The following PLEKHG1 variants were observed in gnomAD, a reference collection of about 807,000 sequenced individuals.
PLEKHG1 encodes the protein pleckstrin homology domain-containing family G member 1.
A neutral mutation model predicts 100.8 loss-of-function variants in PLEKHG1; 44 were observed. The ratio of observed to expected loss-of-function variants is 0.44; its 90% CI spans 0.34 to 0.56. The LOEUF (loss-of-function observed/expected upper bound fraction) is 0.56, where lower values mean the gene tolerates loss of function less well. Among genes scored for constraint, PLEKHG1 ranks in the 20% least tolerant of loss-of-function variants. The probability of loss-of-function intolerance (pLI) is 0.01; values close to 1 mark genes in which losing one functional copy is unlikely to be tolerated. For synonymous variants in PLEKHG1, 640 were observed against 662.5 expected, an observed-to-expected ratio of 0.97 and a Z score of 0.52; for missense variants, 1,545 against 1,720.9, an observed-to-expected ratio of 0.90 and a Z score of 1.81.
At chr6:150,777,698 G>T (rs1785065660) in intron 3 of PLEKHG1, among the ~76,000 whole-genome samples, 1 of 147,846 alleles carries the variant, frequency 6.8e-6, no homozygotes, top group African/African-American at 2.5e-5. Context: ...TGCAGTCCTG[G>T]TGCACATGTG....
chr6:150,660,893 G>A (rs1213597405), intron 3 of PLEKHG1, among the ~76,000 whole-genome samples: 1 of 152,190 alleles, frequency 6.6e-6, no homozygotes, highest in Non-Finnish European at 1.5e-5. Context: ...AGAAAAAGGT[G>A]TTTGTGGAAA....
intron 4 of PLEKHG1, among the ~76,000 whole-genome samples, chr6:150,786,715 G>T (rs1446261953): frequency 6.6e-6 from 1 of 152,000 alleles, no homozygotes; most frequent in African/African-American, 2.4e-5. Flanking sequence ...CTTGGGAGGG[G>T]AGAGTCCGGA....
chr6:150,767,843 T>C (rs546987134), intron 2 of PLEKHG1, among the ~76,000 whole-genome samples: 1 of 152,330 alleles, frequency 6.6e-6, no homozygotes, highest in East Asian at 1.9e-4. Flanking sequence ...TTTACGTTAT[T>C]TCAGCTGTTT....
intron 1 of PLEKHG1, among the ~76,000 whole-genome samples, chr6:150,629,793 G>C (rs984954918): frequency 6.6e-6 from 1 of 152,254 alleles, no homozygotes; most frequent in Middle Eastern, 3.4e-3. Flanking sequence ...ATACTTCATA[G>C]ATTTTCTATG....
intron 2 of PLEKHG1, among the ~76,000 whole-genome samples, chr6:150,762,977 T>G (rs1383565243): frequency 1.3e-5 from 2 of 151,784 alleles, no homozygotes; most frequent in East Asian, 3.9e-4. Context: ...TTCTTTTACA[T>G]GTTCTCCCTC....
intron 3 of PLEKHG1, chr6:150,662,744 G>T (rs1779244314): frequency 6.6e-6 from 1 of 152,224 alleles, no homozygotes; most frequent in Non-Finnish European, 1.5e-5. Flanking sequence ...GTGCTTGCAG[G>T]AACCGGTGAG....
upstream of PLEKHG1, among the ~76,000 whole-genome samples, chr6:150,716,244 T>A (rs1359802493): frequency 6.6e-6 from 1 of 152,190 alleles, no homozygotes; most frequent in African/African-American, 2.4e-5. Flanking sequence ...TTTGCCATTT[T>A]CCATGAAAAA....
intron 10 of PLEKHG1, among the ~76,000 whole-genome samples, chr6:150,811,976 T>C (rs1233618885): frequency 6.6e-6 from 1 of 152,120 alleles, no homozygotes; most frequent in Non-Finnish European, 1.5e-5. Context: ...TGAGCAGTGC[T>C]GCCGTGGAGC....
chr6:150,748,432 T>G (rs1426333273), intron 2 of PLEKHG1, among the ~76,000 whole-genome samples: 1 of 152,120 alleles, frequency 6.6e-6, no homozygotes, highest in Non-Finnish European at 1.5e-5. Flanking sequence ...TTATAAAATT[T>G]TATATGTTTT....
At chr6:150,805,304 T>C (rs929699086) in intron 7 of PLEKHG1, among the ~76,000 whole-genome samples, 18 of 152,344 alleles carry the variant, frequency 1.2e-4, no homozygotes, top group African/African-American at 4.3e-4. Context: ...ATTTTGAGCC[T>C]CCCACTTCTA....
rs748949746 is a variant in PLEKHG1, at chr6:150,733,755, A to G, written c.74A>G (p.His25Arg). 1.9e-5 allele frequency: 30 copies of G among 1,614,054 alleles called. No homozygotes were observed. The highest frequency in any genetic ancestry group is 3.3e-4 in the Middle Eastern group (2 of 6,084). Residue 25 changes from histidine (H) to arginine (R), a missense_variant, in exon 2 of 16, where the codon CAT becomes CGT. By Grantham distance (29) the His-to-Arg change is conservative. Coordinates refer to ENST00000358517, the Ensembl canonical transcript of PLEKHG1. ...TCCTCGGCCTCTTCCCGCGACAGCC[A>G]TGGTTCCTTCGGCAGCAGAATGACC...
At chr6:150,834,837 G>A (rs1777141476) in intron 15 of PLEKHG1, among the ~76,000 whole-genome samples, 1 of 152,158 alleles carries the variant, frequency 6.6e-6, no homozygotes, top group Admixed American at 6.5e-5. Context: ...CTGCCATCTG[G>A]CAGAGGCACG....
In PLEKHG1 at chr6:150,711,131, A is replaced by G. The variant is rs145864526; in HGVS notation, c.-98-22453A>G. Among the ~76,000 whole-genome samples the G allele has an allele frequency of 2.2e-3, 335 of 152,314 alleles. 2 individuals carry two copies. Among genetic ancestry groups the G allele is most frequent in the African/African-American group, 7.6e-3 (314 of 41,562 alleles). On this transcript the variant is annotated intron_variant, in intron 3 of 3. Transcript: ENST00000367326. ...GTCTTTTTAACGTTTTTTAATAGTAAGTTGGCATGAGGACTTAAAATTCTG... is the reference window on the plus strand; with the variant it reads ...GTCTTTTTAACGTTTTTTAATAGTAGGTTGGCATGAGGACTTAAAATTCTG...
intron 10 of PLEKHG1, among the ~76,000 whole-genome samples, chr6:150,816,616 G>A (rs908333678): frequency 1.3e-5 from 2 of 151,948 alleles, no homozygotes; most frequent in African/African-American, 4.8e-5. Context: ...GAGATACCAC[G>A]CCCGGCCTCA....
chr6:150,630,746 CA>C (rs1777713799), intron 1 of PLEKHG1, among the ~76,000 whole-genome samples: 1 of 152,078 alleles, frequency 6.6e-6, no homozygotes, highest in African/African-American at 2.4e-5. Context: ...ATGATATTTA[CA>C]ATCACCGGGC....
intron 3 of PLEKHG1, among the ~76,000 whole-genome samples, chr6:150,700,776 G>A (rs544499876): frequency 6.6e-6 from 1 of 152,202 alleles, no homozygotes; most frequent in East Asian, 1.9e-4. Flanking sequence ...AAGTGGAGAC[G>A]GTAGCACCTC....
upstream of PLEKHG1, among the ~76,000 whole-genome samples, chr6:150,720,743 G>T (rs1393607988): frequency 1.6e-4 from 24 of 152,106 alleles, no homozygotes; most frequent in Admixed American, 1.6e-3. Flanking sequence ...AAAAATTTCA[G>T]AGCTCCAAAG....
intron 3 of PLEKHG1, among the ~76,000 whole-genome samples, chr6:150,661,933 C>T (rs1164650721): frequency 6.6e-6 from 1 of 151,972 alleles, no homozygotes; most frequent in Non-Finnish European, 1.5e-5. Context: ...GTGGCAAGAG[C>T]TTAGGTGGAA....
chr6:150,693,081 A>C (rs1780404588), intron 3 of PLEKHG1, among the ~76,000 whole-genome samples: 1 of 152,142 alleles, frequency 6.6e-6, no homozygotes. Context: ...TGAGGTCAGG[A>C]GTTCGAAACC....
Sources: gnomAD v4.1 joint callset for allele counts (sites outside exome capture counted in the v4.1 genomes callset) on GRCh38, gnomAD v4.1.1 for gene constraint, MANE v1.5 for transcripts, NCBI Gene and HGNC (gene_info 2026-07-23, HGNC 2026-07-21) for gene names.